The following ARRDC3 variants were observed in gnomAD, a reference collection of about 807,000 sequenced individuals.
ARRDC3 encodes the protein arrestin domain-containing protein 3.
Under a neutral mutation model 47.2 loss-of-function variants are expected in ARRDC3, and 10 were observed. That is an observed-to-expected ratio of 0.21 (90% confidence interval 0.13 to 0.36). ARRDC3 has a LOEUF of 0.36. ARRDC3 is among the 10% of genes least tolerant of loss of function. The pLI is 1.00. For missense variants in ARRDC3, 381 were observed against 503.6 expected (o/e 0.76, Z 2.33); for synonymous variants, 156 against 178.3 (o/e 0.87, Z 1.00).
chr5:91,373,397 T>G lies in ARRDC3; in HGVS notation c.1188+287A>C, dbSNP rs118011031. ...TTGATGCTTGGATATACAAAATTCT[T>G]CCTTCAAAAAATGTGTCTCAAGATA... On this transcript the variant is annotated intron_variant, in intron 7 of 7. Coordinates refer to ENST00000265138, the MANE Select transcript of ARRDC3 (RefSeq NM_020801.4). Among the ~76,000 whole-genome samples, 527 of 152,074 alleles carry G rather than the reference T, an allele frequency of 3.5e-3. 6 individuals carry two copies. Among genetic ancestry groups the G allele is most frequent in the East Asian group, 0.012 (64 of 5,150 alleles).
Position 91,369,324 on chromosome 5 carries a change from G to A in ARRDC3, c.*2076C>T, listed in dbSNP as rs1284919968. On this transcript the variant is annotated 3_prime_UTR_variant, in exon 8 of 8. Coordinates refer to ENST00000265138, the MANE Select transcript of ARRDC3 (RefSeq NM_020801.4). ...AATAAAACCACCAAATGCCCTTTATGCCAAATATTCCATTAGCTTTTTTTG... is the reference window on the plus strand; with the variant it reads ...AATAAAACCACCAAATGCCCTTTATACCAAATATTCCATTAGCTTTTTTTG... The A allele has an allele frequency of 6.6e-6, 1 of 152,242 alleles. No homozygotes were observed. Among genetic ancestry groups the A allele is most frequent in the Non-Finnish European group, 1.5e-5 (1 of 67,976 alleles). 9.4% of individuals were successfully genotyped at this position (152,242 alleles called of 1,614,324 possible).
In ARRDC3 at chr5:91,370,174, C is replaced by T. The variant is rs1202553604; in HGVS notation, c.*1226G>A. The T allele has an allele frequency of 6.6e-6, 1 of 152,258 alleles. No homozygotes were observed. The highest frequency in any genetic ancestry group is 6.6e-5 in the Admixed American group (1 of 15,250). The allele number at this position is 152,258 out of a possible 1,614,324, so 9.4% of individuals were successfully genotyped here. ...TTCCTGCTCATTAATATACTTTGCA[C>T]CAGCAAAAGCGATTTCCAACATATG... On this transcript the variant is annotated 3_prime_UTR_variant, in exon 8 of 8. Transcript: ENST00000265138.
chr5:91,377,195 C>T (rs1009132500), intron 2 of ARRDC3, among the ~76,000 whole-genome samples: 4 of 152,098 alleles, frequency 2.6e-5, no homozygotes, highest in Non-Finnish European at 5.9e-5. Flanking sequence ...TCTCATTAGC[C>T]GGGAATTATC....
intron 1 of ARRDC3, among the ~76,000 whole-genome samples, chr5:91,379,073 A>G (rs887539775): frequency 3.3e-5 from 5 of 152,146 alleles, no homozygotes; most frequent in African/African-American, 1.2e-4. Context: ...AAAATAGTAT[A>G]TATACTCAAA....
At chr5:91,377,579 T>A (rs1209909763) in intron 2 of ARRDC3, among the ~76,000 whole-genome samples, 1 of 151,800 alleles carries the variant, frequency 6.6e-6, no homozygotes, top group African/African-American at 2.4e-5. Context: ...TAATTTTTTT[T>A]TTTTTTTGCA....
chr5:91,369,312 A>C lies in ARRDC3; in HGVS notation c.*2088T>G, dbSNP rs1345102552. The C allele has an allele frequency of 6.6e-6, 1 of 152,382 alleles. No homozygotes were observed. Among genetic ancestry groups the C allele is most frequent in the Non-Finnish European group, 1.5e-5 (1 of 67,996 alleles). 9.4% of individuals were successfully genotyped at this position (152,382 alleles called of 1,614,324 possible). On this transcript the variant is annotated 3_prime_UTR_variant, in exon 8 of 8. Transcript: ENST00000265138. ...CCCTCAAACAAAAATAAAACCACCA[A>C]ATGCCCTTTATGCCAAATATTCCAT...
rs760171808 is a variant in ARRDC3, at chr5:91,382,964, T to A, written c.129A>T (p.Arg43Ser). Reference sequence around the variant, plus strand: ...TTGCATGAATTTTAAGAGATTTTACTCTGATTTCCCCAGTAACTTCTAAAT... The same window carrying A: ...TTGCATGAATTTTAAGAGATTTTACACTGATTTCCCCAGTAACTTCTAAAT... ...RVNLEVTGEI[R>S]VKSLKIHARG... The change falls in exon 1 of 8, where the codon AGA (arginine) becomes AGT (serine). Residue 43 changes from arginine (R) to serine (S), a missense_variant. By Grantham distance (110) the Arg-to-Ser change is moderately radical (BLOSUM62 -1). Coordinates refer to ENST00000265138, the MANE Select transcript of ARRDC3 (RefSeq NM_020801.4). The A allele has an allele frequency of 9.3e-6, 15 of 1,614,052 alleles. No homozygotes were observed. Among genetic ancestry groups the A allele is most frequent in the Non-Finnish European group, 1.3e-5 (15 of 1,180,038 alleles).
chr5:91,372,549 CTGTA>C (rs1799200889), intron 7 of ARRDC3, among the ~76,000 whole-genome samples: 1 of 152,044 alleles, frequency 6.6e-6, no homozygotes, highest in Admixed American at 6.6e-5. Flanking sequence ...ATGACAAAAT[CTGTA>C]ACAAGTGGCA....
chr5:91,382,699 C>T, intron 1 of ARRDC3, 114 bp downstream of exon 1: 1 of 1,199,562 alleles, frequency 8.3e-7, no homozygotes, highest in Non-Finnish European at 1.2e-6. Flanking sequence ...ACTTTGCTAA[C>T]CTTTCTCAAA....
At chr5:91,373,582 A>T (rs1799227343) in intron 7 of ARRDC3, 102 bp downstream of exon 7, 1 of 1,154,568 alleles carries the variant, frequency 8.7e-7, no homozygotes, top group Non-Finnish European at 1.2e-6. Flanking sequence ...TTGTTCTGTT[A>T]ACATGATAAT....
At chr5:91,374,030 T>A in intron 6 of ARRDC3, 84 bp downstream of exon 6, 1 of 1,494,748 alleles carries the variant, frequency 6.7e-7, no homozygotes. Context: ...TATGTTCATC[T>A]AGGGTCATAA....
chr5:91,375,198 T>C lies in ARRDC3; in HGVS notation c.614-20A>G, dbSNP rs750355931. On this transcript the variant is annotated intron_variant, in intron 4 of 7. Coordinates refer to ENST00000265138, the MANE Select transcript of ARRDC3 (RefSeq NM_020801.4). ...ATTCACCTAGAGAGGGAAAAATATA[T>C]ACATATCTACTGTTAGAAAAAAACA... 8 of 1,600,080 alleles carry C rather than the reference T, an allele frequency of 5.0e-6. No individual in the cohort carries two copies. Among genetic ancestry groups the C allele is most frequent in the Non-Finnish European group, 6.0e-6 (7 of 1,173,086 alleles).
chr5:91,370,011 T>C lies in ARRDC3; in HGVS notation c.*1389A>G, dbSNP rs542366336. ...TAGAAAAACACAAAAATCCAAAAGA[T>C]TTATCGCAGCAAACGTTCTAGTATT... is the stretch of plus-strand genomic sequence containing the variant. On this transcript the variant is annotated 3_prime_UTR_variant, in exon 8 of 8. Transcript: ENST00000265138. 2 of 152,302 alleles carry C rather than the reference T, an allele frequency of 1.3e-5. No homozygotes were observed. Among genetic ancestry groups the C allele is most frequent in the East Asian group, 1.9e-4 (1 of 5,190 alleles). The allele number at this position is 152,302 out of a possible 1,614,324, so 9.4% of individuals were successfully genotyped here.
At chr5:91,372,197 T>G (rs1799194270) in intron 7 of ARRDC3, among the ~76,000 whole-genome samples, 1 of 152,192 alleles carries the variant, frequency 6.6e-6, no homozygotes, top group Non-Finnish European at 1.5e-5. Flanking sequence ...AATATATTTT[T>G]TACTGAAAGA....
At chr5:91,380,975 C>T (rs899989093) in intron 1 of ARRDC3, 1 of 152,258 alleles carries the variant, frequency 6.6e-6, no homozygotes. Context: ...TACCGGCGCA[C>T]GCCGGTTTCC....
chr5:91,376,587 A>C (rs1476332443), intron 3 of ARRDC3, 34 bp downstream of exon 3: 1 of 1,553,456 alleles, frequency 6.4e-7, no homozygotes, highest in South Asian at 1.2e-5. Flanking sequence ...TTATATGCCA[A>C]AAACAAAGAA....
intron 1 of ARRDC3, chr5:91,379,906 C>G (rs997574468): frequency 6.6e-6 from 1 of 152,088 alleles, no homozygotes; most frequent in African/African-American, 2.4e-5. Flanking sequence ...CATGGTGATT[C>G]GCTTATGTCT....
Position 91,371,275 on chromosome 5 carries a change from C to T in ARRDC3, c.*125G>A, listed in dbSNP as rs1192113512. 8 of 758,890 alleles carry T rather than the reference C, an allele frequency of 1.1e-5. No individual in the cohort carries two copies. Among genetic ancestry groups the T allele is most frequent in the African/African-American group, 3.5e-5 (2 of 56,888 alleles). The allele number at this position is 758,890 out of a possible 1,614,324, so 47.0% of individuals were successfully genotyped here. A position where few individuals can be genotyped will look rare whatever the true frequency, so the allele number is the denominator to read the frequency against. ...ATGATCACTGGTTGTTTCATGTATT[C>T]GCCATTTTTCTGGGCAAAAGTAATT... On this transcript the variant is annotated 3_prime_UTR_variant, in exon 8 of 8. Transcript: ENST00000265138.
At position 91,382,850 on chromosome 5, in the gene ARRDC3, A is replaced by G; in HGVS notation, c.243T>C (p.Tyr81=). Residue 81 remains tyrosine, a synonymous_variant, in exon 1 of 8, where the codon TAT becomes TAC. Transcript: ENST00000265138. The part of the protein sequence containing the change: ...YTQNYTEEVE[Y]FNHKDILIGH... ...CAATTAAGATGTCTTTATGGTTGAAATACTCTACTTCTTCAGTGTAATTCT... is the reference window on the plus strand; with the variant it reads ...CAATTAAGATGTCTTTATGGTTGAAGTACTCTACTTCTTCAGTGTAATTCT... 1 of 1,614,134 alleles carries G rather than the reference A, an allele frequency of 6.2e-7. No homozygotes were observed. The highest frequency in any genetic ancestry group is 8.5e-7 in the Non-Finnish European group (1 of 1,180,016).
Sources: allele counts gnomAD v4.1 joint callset (sites outside exome capture counted in the v4.1 genomes callset), GRCh38; gene constraint gnomAD v4.1.1; transcripts MANE v1.5; gene names NCBI Gene and HGNC (gene_info 2026-07-23, HGNC 2026-07-21).